NXPH1: variants seen among roughly 807,000 people sequenced by gnomAD.
NXPH1 encodes the protein neurexophilin-1.
In NXPH1, 5 loss-of-function variants were observed where a neutral mutation model predicts 23.7. That is an observed-to-expected ratio of 0.21 (90% CI 0.11 to 0.44). The LOEUF is 0.44. Ranked by LOEUF, NXPH1 falls within the 20% of genes least tolerant of loss-of-function variation. The pLI, the probability that NXPH1 is intolerant of heterozygous loss-of-function variation, is 0.99. For missense variants in NXPH1, 324 were observed against 321.6 expected (o/e 1.01, Z -0.06); for synonymous variants, 144 against 122.2 (o/e 1.18, Z -1.18).
intron 2 of NXPH1, among the ~76,000 whole-genome samples, chr7:8,695,594 T>C (rs993649980): frequency 9.2e-5 from 14 of 152,212 alleles, no homozygotes; most frequent in African/African-American, 3.1e-4. Flanking sequence ...GTTAAGTAGA[T>C]ATGAACCATT....
intron 2 of NXPH1, among the ~76,000 whole-genome samples, chr7:8,490,170 C>A (rs145302053): frequency 6.6e-6 from 1 of 152,144 alleles, no homozygotes; most frequent in South Asian, 2.1e-4. Context: ...TATTTAAATG[C>A]TTTTCTGCTA....
At chr7:8,700,830 A>G (rs1779613397) in intron 2 of NXPH1, among the ~76,000 whole-genome samples, 1 of 152,024 alleles carries the variant, frequency 6.6e-6, no homozygotes, top group Admixed American at 6.6e-5. Context: ...GAAATTGGCA[A>G]ATGATGGTCT....
At chr7:8,674,647 A>T (rs75233076) in intron 2 of NXPH1, among the ~76,000 whole-genome samples, 216 of 152,304 alleles carry the variant, frequency 1.4e-3, no homozygotes, top group African/African-American at 5.1e-3. Flanking sequence ...AGCATGGAAG[A>T]TGCTGATCAA....
intron 2 of NXPH1, among the ~76,000 whole-genome samples, chr7:8,620,186 T>C (rs1203995123): frequency 2.0e-5 from 3 of 152,128 alleles, no homozygotes; most frequent in African/African-American, 7.2e-5. Context: ...AGTTCTAACA[T>C]ATAATGGAAA....
intron 2 of NXPH1, among the ~76,000 whole-genome samples, chr7:8,507,209 T>G (rs1414175870): frequency 6.6e-6 from 1 of 151,666 alleles, no homozygotes; most frequent in Admixed American, 6.6e-5. Context: ...GAGAAGGAAG[T>G]GTCTGAATGA....
In NXPH1 at chr7:8,730,170, T is replaced by A. The variant is rs1431906492; in HGVS notation, c.55-20838T>A. On this transcript the variant is annotated intron_variant, in intron 2 of 2. Coordinates refer to ENST00000405863, the MANE Select transcript of NXPH1 (RefSeq NM_152745.3). ...AGAGACTAGGATTGCAACCCCTGCC[T>A]TTTTTTGTTTTCCATTTGCTTGGTA... Among the ~76,000 whole-genome samples the A allele has an allele frequency of 7.4e-5, 11 of 149,404 alleles. No homozygotes were observed. In the East Asian group the frequency reaches 2.0e-3, roughly 27 times the overall value.
At chr7:8,506,170 C>G (rs893255181) in intron 2 of NXPH1, among the ~76,000 whole-genome samples, 4 of 152,024 alleles carry the variant, frequency 2.6e-5, no homozygotes, top group African/African-American at 9.7e-5. Context: ...GTGCACAATT[C>G]AATATTTCTA....
At chr7:8,521,223 C>T (rs1331119421) in intron 2 of NXPH1, among the ~76,000 whole-genome samples, 1 of 152,178 alleles carries the variant, frequency 6.6e-6, no homozygotes. Flanking sequence ...CACTACCAAA[C>T]AATCAAAGTG....
chr7:8,733,956 C>T (rs1780201735), intron 2 of NXPH1, among the ~76,000 whole-genome samples: 1 of 152,154 alleles, frequency 6.6e-6, no homozygotes, highest in Non-Finnish European at 1.5e-5. Flanking sequence ...TTTGCCATGC[C>T]TATGTCCTGA....
chr7:8,463,376 T>C (rs1196458286), intron 2 of NXPH1, among the ~76,000 whole-genome samples: 1 of 152,144 alleles, frequency 6.6e-6, no homozygotes, highest in African/African-American at 2.4e-5. Context: ...TAGACATTTA[T>C]ATTTTTTAAC....
At position 8,751,467 on chromosome 7, in the gene NXPH1, A is replaced by G; in HGVS notation, c.514A>G (p.Lys172Glu). Residue 172 changes from lysine (K) to glutamate (E), a missense_variant, in exon 3 of 3, where the codon AAA becomes GAA. By Grantham distance (56) the Lys-to-Glu change is moderately conservative (BLOSUM62 1). Transcript: ENST00000405863. This position sits in a 1 kb window ranked among gnomAD's most constrained non-coding sequence, Gnocchi z 4.5. ...NVSVSLVPPTKIVEFDLAQQT... is the reference protein window; with the variant it reads ...NVSVSLVPPTEIVEFDLAQQT... ...ATCTGTCAGCTTGGTACCCCCTACA[A>G]AAATCGTGGAATTTGACTTGGCACA... 6.2e-7 allele frequency: 1 copy of G among 1,613,826 alleles called. No homozygotes were observed. The highest frequency in any genetic ancestry group is 8.5e-7 in the Non-Finnish European group (1 of 1,179,840).
chr7:8,600,128 GTAAA>G (rs1032148685), intron 2 of NXPH1, among the ~76,000 whole-genome samples: 2 of 152,018 alleles, frequency 1.3e-5, no homozygotes, highest in South Asian at 2.1e-4. Flanking sequence ...GTTTGATTCA[GTAAA>G]TAAATATTCA....
chr7:8,744,245 A>T (rs1394356281), intron 2 of NXPH1, among the ~76,000 whole-genome samples: 1 of 152,204 alleles, frequency 6.6e-6, no homozygotes, highest in East Asian at 1.9e-4. Context: ...AGACACATCA[A>T]ATTTGTGGAA....
At chr7:8,499,453 A>G (rs1380004250) in intron 2 of NXPH1, among the ~76,000 whole-genome samples, 1 of 152,096 alleles carries the variant, frequency 6.6e-6, no homozygotes, top group Non-Finnish European at 1.5e-5. Flanking sequence ...GAGCTATACC[A>G]GCCTACAAAG....
intron 2 of NXPH1, among the ~76,000 whole-genome samples, chr7:8,715,023 G>C (rs1313915942): frequency 6.6e-6 from 1 of 152,166 alleles, no homozygotes; most frequent in South Asian, 2.1e-4. Context: ...TTGCCTAGGA[G>C]TTGCAGTCCT....
chr7:8,562,365 A>G (rs1241448221), intron 2 of NXPH1, among the ~76,000 whole-genome samples: 1 of 151,724 alleles, frequency 6.6e-6, no homozygotes, highest in East Asian at 2.0e-4. Context: ...ATATTAACAA[A>G]AGTACTTCAG....
chr7:8,731,856 T>G (rs553467643), intron 2 of NXPH1, among the ~76,000 whole-genome samples: 2 of 152,372 alleles, frequency 1.3e-5, no homozygotes, highest in South Asian at 4.1e-4. Context: ...CCTTGAGCTG[T>G]GGTGGGCTCC....
chr7:8,681,782 A>T (rs969020907), intron 2 of NXPH1, among the ~76,000 whole-genome samples: 3 of 152,204 alleles, frequency 2.0e-5, no homozygotes, highest in Non-Finnish European at 4.4e-5. Context: ...GTCAGGCTGC[A>T]TCTGAGATGA....
At chr7:8,703,377 C>G (rs191808512) in intron 2 of NXPH1, among the ~76,000 whole-genome samples, 3 of 152,196 alleles carry the variant, frequency 2.0e-5, no homozygotes, top group Non-Finnish European at 4.4e-5. Flanking sequence ...AAATCACTTC[C>G]CTAAGTTATA....
Sources: gnomAD v4.1 joint callset for allele counts (sites outside exome capture counted in the v4.1 genomes callset) on GRCh38, gnomAD v4.1.1 for gene constraint, Gnocchi (gnomAD v3.1) non-coding constraint, MANE v1.5 for transcripts, NCBI Gene and HGNC (gene_info 2026-07-23, HGNC 2026-07-21) for gene names.